IMPACT: variants seen among roughly 807,000 people sequenced by gnomAD.
IMPACT encodes impact RWD domain protein.
A neutral mutation model predicts 47.5 loss-of-function variants in IMPACT; 35 were observed. The observed-to-expected ratio is 0.74, with a 90% CI of 0.56 to 0.98. The LOEUF is 0.98. Among genes scored for constraint, IMPACT ranks in the 50% least tolerant of loss-of-function variants. IMPACT has a pLI of 0.00. For missense variants in IMPACT, 373 were observed against 394.8 expected (o/e 0.94, Z 0.47); for synonymous variants, 118 against 125.6 (o/e 0.94, Z 0.40).
rs1909076755 is a variant in IMPACT at position 24,440,530 on chromosome 18, T to C, written c.402T>C (p.Asp134=). ...PDVKKKTEEE[D]VECEDDLILA... ...TAAAGAAGAAAACTGAAGAGGAAGA[T>C]GTTGAATGTGAAGATGATCTCATTT... Residue 134 remains aspartate, a synonymous_variant, in exon 6 of 11, where the codon GAT becomes GAC. Coordinates refer to ENST00000284202, the MANE Select transcript of IMPACT (RefSeq NM_018439.4). 13 of 1,613,194 alleles carry C rather than the reference T, an allele frequency of 8.1e-6. No homozygotes were observed. Among genetic ancestry groups the C allele is most frequent in the Non-Finnish European group, 7.6e-6 (9 of 1,179,372 alleles).
intron 3 of IMPACT, chr18:24,429,516 G>A (rs1908697179): frequency 6.6e-6 from 1 of 152,086 alleles, no homozygotes; most frequent in Non-Finnish European, 1.5e-5. Flanking sequence ...TCTGATTGTA[G>A]ACCAGTGATT....
At chr18:24,437,886 G>A in intron 4 of IMPACT, 69 bp from the exon 5 acceptor site, 2 of 765,122 alleles carry the variant, frequency 2.6e-6, no homozygotes, top group Admixed American at 2.3e-5. Context: ...GCAAATGTCT[G>A]TATCTTCTTG....
chr18:24,434,791 ATATATGTGTGTGTGTGTG>A (rs1908866096), intron 4 of IMPACT, among the ~76,000 whole-genome samples: 1 of 114,358 alleles, frequency 8.7e-6, no homozygotes, highest in Non-Finnish European at 1.9e-5. Context: ...ATATATATAT[ATATATGTGTGTGTGTGTG>A]TATATATATG....
At chr18:24,428,144 T>C in intron 2 of IMPACT, 97 bp downstream of exon 2, 1 of 1,180,618 alleles carries the variant, frequency 8.5e-7, no homozygotes, top group Non-Finnish European at 1.2e-6. Flanking sequence ...TTCTAAATTA[T>C]CTTTGTTCTT....
chr18:24,436,757 C>T (rs763287005), intron 4 of IMPACT, among the ~76,000 whole-genome samples: 1 of 151,970 alleles, frequency 6.6e-6, no homozygotes, highest in Non-Finnish European at 1.5e-5. Flanking sequence ...TGCCAAGTTG[C>T]CCAGGCTGGT....
chr18:24,435,190 A>C (rs1908894476), intron 4 of IMPACT, among the ~76,000 whole-genome samples: 1 of 152,052 alleles, frequency 6.6e-6, no homozygotes, highest in Non-Finnish European at 1.5e-5. Context: ...GACTTGTCTG[A>C]AATTCCTGGC....
At chr18:24,439,110 C>T (rs548809036) in intron 5 of IMPACT, among the ~76,000 whole-genome samples, 255 of 152,192 alleles carry the variant, frequency 1.7e-3, no homozygotes, top group African/African-American at 5.7e-3. Flanking sequence ...AATGTTAAGG[C>T]CATCAGCTGA....
rs899119514 is a variant in IMPACT, at chr18:24,426,802, C to T, written c.36+10C>T. 5.7e-6 allele frequency: 7 copies of T among 1,238,220 alleles called. No homozygotes were observed. The highest frequency in any genetic ancestry group is 7.1e-6 in the Non-Finnish European group (7 of 988,026). 76.7% of individuals were successfully genotyped at this position (1,238,220 alleles called of 1,614,324 possible). On this transcript the variant is annotated intron_variant, in intron 1 of 10. Transcript: ENST00000284202. ...GAGCGACCAGAGGCAGGTGAGGCCCCGGCGGGGTGCTGTCTCTCCAGGCTC... is the reference window on the plus strand; with the variant it reads ...GAGCGACCAGAGGCAGGTGAGGCCCTGGCGGGGTGCTGTCTCTCCAGGCTC...
chr18:24,429,157 G>A (rs908982648), intron 3 of IMPACT, among the ~76,000 whole-genome samples: 3 of 152,186 alleles, frequency 2.0e-5, no homozygotes, highest in Non-Finnish European at 4.4e-5. Flanking sequence ...AGTAGGTACA[G>A]AATTGTCTTT....
chr18:24,449,377 T>C (rs1033152064), intron 9 of IMPACT, among the ~76,000 whole-genome samples: 2 of 152,202 alleles, frequency 1.3e-5, no homozygotes, highest in East Asian at 3.9e-4. Flanking sequence ...TCTCAACTGA[T>C]GAAACCTTAC....
chr18:24,439,920 A>T (rs986140720), intron 5 of IMPACT, among the ~76,000 whole-genome samples: 1 of 152,160 alleles, frequency 6.6e-6, no homozygotes, highest in South Asian at 2.1e-4. Context: ...AGATACTTTG[A>T]AGCTATGCTA....
In IMPACT at chr18:24,453,290, A is replaced by G. The variant is rs1909433089; in HGVS notation, c.*2443A>G. The G allele has an allele frequency of 6.6e-6, 1 of 152,182 alleles. No homozygotes were observed. The highest frequency in any genetic ancestry group is 2.4e-5 in the African/African-American group (1 of 41,446). 9.4% of individuals were successfully genotyped at this position (152,182 alleles called of 1,614,324 possible). On this transcript the variant is annotated 3_prime_UTR_variant, in exon 11 of 11. Transcript: ENST00000284202. ...CGGATGCTGTTTGGAGGACAGGAAA[A>G]TTTATCGGGAAAATTACATAATCCC...
intron 8 of IMPACT, among the ~76,000 whole-genome samples, chr18:24,447,611 A>G (rs1447968748): frequency 6.6e-6 from 1 of 152,150 alleles, no homozygotes; most frequent in Non-Finnish European, 1.5e-5. Flanking sequence ...AGTATAAAAT[A>G]TTACCTTATG....
intron 5 of IMPACT, among the ~76,000 whole-genome samples, chr18:24,438,305 CTGT>C (rs558950784): frequency 5.6e-4 from 85 of 152,164 alleles, no homozygotes; most frequent in Admixed American, 1.0e-3. Flanking sequence ...CTGTGGTCAC[CTGT>C]TGTCTGAAAA....
At position 24,434,243 on chromosome 18, in the gene IMPACT, G is replaced by A. The variant is rs576463173; in HGVS notation, c.282-3712G>A. 3.9e-5 allele frequency among the ~76,000 whole-genome samples: 6 copies of A among 152,112 alleles called. No individual in the cohort carries two copies. The South Asian group carries it at 8.3e-4, about 21-fold the overall frequency. Reference sequence around the variant, plus strand: ...GGCGTGCCTGTAATCCCAGCTACTTGGAAGACTGAGGTGGAAGGATCACTG... The same window carrying A: ...GGCGTGCCTGTAATCCCAGCTACTTAGAAGACTGAGGTGGAAGGATCACTG... On this transcript the variant is annotated intron_variant, in intron 4 of 10. Coordinates refer to ENST00000284202, the MANE Select transcript of IMPACT (RefSeq NM_018439.4).
At chr18:24,437,879 A>G in intron 4 of IMPACT, 76 bp from the exon 5 acceptor site, 6 of 742,086 alleles carry the variant, frequency 8.1e-6, no homozygotes, top group Admixed American at 5.0e-5. Context: ...TTGGATTGCA[A>G]ATGTCTGTAT....
intron 4 of IMPACT, among the ~76,000 whole-genome samples, chr18:24,434,795 A>ATATATATATATG (rs1454429903): frequency 3.4e-4 from 23 of 67,618 alleles, no homozygotes; most frequent in Middle Eastern, 0.016. Context: ...ATATATATAT[A>ATATATATATATG]TGTGTGTGTG....
At chr18:24,433,941 G>C (rs966117010) in intron 4 of IMPACT, among the ~76,000 whole-genome samples, 11 of 152,090 alleles carry the variant, frequency 7.2e-5, no homozygotes, top group South Asian at 2.1e-4. Flanking sequence ...AAAGTGCTGG[G>C]ATTACAGGCG....
intron 1 of IMPACT, 50 bp downstream of exon 1, chr18:24,426,842 T>TCGC: frequency 1.7e-6 from 2 of 1,207,772 alleles, no homozygotes; most frequent in Non-Finnish European, 2.1e-6. Context: ...CCGGCTCGCC[T>TCGC]CGCCATGCCA....
Sources: gnomAD v4.1 joint callset for allele counts (sites outside exome capture counted in the v4.1 genomes callset) on GRCh38, gnomAD v4.1.1 for gene constraint, MANE v1.5 for transcripts, NCBI Gene and HGNC (gene_info 2026-07-23, HGNC 2026-07-21) for gene names.